The following XYLT1 variants were observed in gnomAD, a reference collection of about 807,000 sequenced individuals.
XYLT1 encodes beta-D-xylosyltransferase 1.
XYLT1 carries 36 observed loss-of-function variants against 91.3 expected under a neutral mutation model. That is an observed-to-expected ratio of 0.39 (90% CI 0.30 to 0.52). The LOEUF (loss-of-function observed/expected upper bound fraction) is 0.52. Among genes scored for constraint, XYLT1 ranks in the 20% least tolerant of loss-of-function variants. XYLT1 has a pLI of 0.68. For synonymous variants in XYLT1, 588 were observed against 532.0 expected, an observed-to-expected ratio of 1.11 and a Z score of -1.45; for missense variants, 1,242 against 1,284.5, an observed-to-expected ratio of 0.97 and a Z score of 0.51.
chr16:17,272,158 T>C (rs2033905870), intron 2 of XYLT1, among the ~76,000 whole-genome samples: 1 of 134,584 alleles, frequency 7.4e-6, no homozygotes, highest in African/African-American at 2.8e-5. Context: ...TGTTGGTTTT[T>C]TTTTTTTTTT....
Position 17,242,865 on chromosome 16 carries a change from T to C in XYLT1, c.913+16123A>G, listed in dbSNP as rs77276506. 2.9e-3 allele frequency among the ~76,000 whole-genome samples: 447 copies of C among 152,318 alleles called. 4 individuals carry two copies. Among genetic ancestry groups the C allele is most frequent in the African/African-American group, 0.01 (432 of 41,568 alleles). ...CCTTGTGTAAGGGGGAATCACACAG[T>C]ATCTGATCTATGGTGACTGGCTTAT... On this transcript the variant is annotated intron_variant, in intron 3 of 11. Transcript: ENST00000261381.
Position 17,259,194 on chromosome 16 carries a change from G to C in XYLT1, c.707C>G (p.Pro236Arg). The part of the protein sequence containing the change: ...NSSHGKDVSR[P>R]PHARKTGGSS... ...GCCCCCAGTTTTCCTGGCATGAGGC[G>C]GTCTGGACACATCCTTCCCGTGGCT... The change falls in exon 3 of 12, where the codon CCG becomes CGG. Residue 236 changes from proline (P) to arginine (R), a missense_variant. Physicochemically the swap from Pro to Arg is moderately radical, Grantham distance 103. Coordinates refer to ENST00000261381, the MANE Select transcript of XYLT1 (RefSeq NM_022166.4). The C allele has an allele frequency of 1.9e-6, 3 of 1,613,074 alleles. No individual in the cohort carries two copies. The highest frequency in any genetic ancestry group is 2.5e-6 in the Non-Finnish European group (3 of 1,179,522).
At chr16:17,144,872 C>A (rs2031091551) in intron 6 of XYLT1, among the ~76,000 whole-genome samples, 1 of 152,170 alleles carries the variant, frequency 6.6e-6, no homozygotes, top group Admixed American at 6.5e-5. Context: ...ATCAGGGGCT[C>A]TGCTGTAACA....
chr16:17,274,999 A>G (rs966785528), intron 2 of XYLT1, among the ~76,000 whole-genome samples: 2 of 152,140 alleles, frequency 1.3e-5, no homozygotes, highest in Admixed American at 1.3e-4. Context: ...CAACATGGTG[A>G]AACCCTGTCT....
At chr16:17,295,276 G>A (rs1436372833) in intron 2 of XYLT1, among the ~76,000 whole-genome samples, 1 of 152,152 alleles carries the variant, frequency 6.6e-6, no homozygotes, top group South Asian at 2.1e-4. Context: ...ATGAAAAACA[G>A]AAGCTTAGGT....
At chr16:17,384,068 T>C (rs371954987) in intron 1 of XYLT1, among the ~76,000 whole-genome samples, 1 of 151,968 alleles carries the variant, frequency 6.6e-6, no homozygotes, top group African/African-American at 2.4e-5. Flanking sequence ...TTTTAACCTC[T>C]TAAAGCTTTC....
chr16:17,362,102 G>C (rs1271260805), intron 1 of XYLT1, among the ~76,000 whole-genome samples: 1 of 152,092 alleles, frequency 6.6e-6, no homozygotes, highest in African/African-American at 2.4e-5. Flanking sequence ...AGAACACTGG[G>C]TTCCACTCTT....
intron 2 of XYLT1, among the ~76,000 whole-genome samples, chr16:17,299,577 A>G (rs1596471646): frequency 6.6e-6 from 1 of 152,002 alleles, no homozygotes; most frequent in Non-Finnish European, 1.5e-5. Context: ...CGTCCCTTCC[A>G]CCTCGCTTCT....
chr16:17,393,318 T>C (rs771785255), intron 1 of XYLT1, among the ~76,000 whole-genome samples: 11 of 152,236 alleles, frequency 7.2e-5, no homozygotes, highest in Non-Finnish European at 1.0e-4. Context: ...TTTATTTCTA[T>C]AAATGTAAGG....
At chr16:17,134,108 T>C (rs909353808) in intron 9 of XYLT1, among the ~76,000 whole-genome samples, 23 of 152,218 alleles carry the variant, frequency 1.5e-4, no homozygotes, top group Non-Finnish European at 3.1e-4. Flanking sequence ...TCCACTGTTC[T>C]ATGTTGTACA....
intron 1 of XYLT1, among the ~76,000 whole-genome samples, chr16:17,380,848 T>C (rs1478894350): frequency 6.6e-6 from 1 of 152,214 alleles, no homozygotes; most frequent in East Asian, 1.9e-4. Flanking sequence ...ACACATTCCG[T>C]GACAGGGACA....
At chr16:17,407,799 A>C in intron 1 of XYLT1, among the ~76,000 whole-genome samples, 1 of 152,184 alleles carries the variant, frequency 6.6e-6, no homozygotes, top group Non-Finnish European at 1.5e-5. Context: ...TCCAAACCGC[A>C]TGTTGAAATT....
chr16:17,371,989 C>T (rs1362836198), intron 1 of XYLT1, among the ~76,000 whole-genome samples: 1 of 152,144 alleles, frequency 6.6e-6, no homozygotes. Flanking sequence ...CTGAGTATCC[C>T]TAATTTTGGA....
At chr16:17,251,602 G>C (rs1280988897) in intron 3 of XYLT1, among the ~76,000 whole-genome samples, 1 of 152,226 alleles carries the variant, frequency 6.6e-6, no homozygotes, top group Non-Finnish European at 1.5e-5. Flanking sequence ...AAGACACAGA[G>C]AGGCTGGTGG....
At chr16:17,111,843 G>A (rs981118613) in intron 11 of XYLT1, among the ~76,000 whole-genome samples, 6 of 152,086 alleles carry the variant, frequency 3.9e-5, no homozygotes, top group African/African-American at 1.4e-4. Flanking sequence ...TTTCTCCCAC[G>A]GTAGTTAGGA....
chr16:17,175,546 T>C (rs1014810465), intron 5 of XYLT1, among the ~76,000 whole-genome samples: 1 of 152,078 alleles, frequency 6.6e-6, no homozygotes, highest in Non-Finnish European at 1.5e-5. Flanking sequence ...TCAGAGTCCA[T>C]ATGCATCACC....
At chr16:17,182,194 C>T (rs997451242) in intron 5 of XYLT1, among the ~76,000 whole-genome samples, 2 of 152,160 alleles carry the variant, frequency 1.3e-5, no homozygotes, top group African/African-American at 2.4e-5. Context: ...AGGACAGGTA[C>T]CTTGGTCTGT....
rs115569211 is a variant in XYLT1, at chr16:17,115,132, C to T, written c.2557+2514G>A. ...GTGCTGGGATTACAGGTGTGACCAC[C>T]GCACCCGGCTGGGCACATACAATTT... is the stretch of plus-strand genomic sequence containing the variant. On this transcript the variant is annotated intron_variant, in intron 11 of 11. Coordinates refer to ENST00000261381, the MANE Select transcript of XYLT1 (RefSeq NM_022166.4). 5.3e-3 allele frequency among the ~76,000 whole-genome samples: 810 copies of T among 151,960 alleles called. 6 individuals carry two copies. Among genetic ancestry groups the T allele is most frequent in the African/African-American group, 0.017 (717 of 41,444 alleles).
chr16:17,122,990 G>A (rs12933401), intron 10 of XYLT1, among the ~76,000 whole-genome samples: 97,951 of 151,984 alleles, frequency 0.64, 32,576 homozygotes, highest in Non-Finnish European at 0.71. Context: ...CTTATAGTAT[G>A]CTTTAAGGTT....
Sources: allele counts gnomAD v4.1 joint callset (sites outside exome capture counted in the v4.1 genomes callset), GRCh38; gene constraint gnomAD v4.1.1; transcripts MANE v1.5; gene names NCBI Gene and HGNC (gene_info 2026-07-23, HGNC 2026-07-21).